The following ATRNL1 variants were observed in gnomAD, a reference collection of about 807,000 sequenced individuals.
ATRNL1 encodes the protein attractin-like protein 1.
A neutral mutation model predicts 182.7 loss-of-function variants in ATRNL1; 95 were observed. That is an observed-to-expected ratio of 0.52 (90% CI 0.44 to 0.62). The LOEUF (loss-of-function observed/expected upper bound fraction) is 0.62, where lower values mean the gene tolerates loss of function less well. ATRNL1 is among the 20% of genes least tolerant of loss of function. The probability of loss-of-function intolerance (pLI) is 0.00; values close to 1 mark genes in which losing one functional copy is unlikely to be tolerated. For synonymous variants in ATRNL1, 576 were observed against 568.3 expected (o/e 1.01, Z -0.19); for missense variants, 1,471 against 1,679.5 (o/e 0.88, Z 2.17).
chr10:115,835,864 G>A (rs1052669021), intron 27 of ATRNL1, among the ~76,000 whole-genome samples: 1 of 152,236 alleles, frequency 6.6e-6, no homozygotes, highest in South Asian at 2.1e-4. Flanking sequence ...TTAGCCTCTT[G>A]TCTCAATGTG....
At chr10:115,487,359 C>A (rs939955432) in intron 24 of ATRNL1, among the ~76,000 whole-genome samples, 3 of 152,096 alleles carry the variant, frequency 2.0e-5, no homozygotes, top group Admixed American at 1.3e-4. Flanking sequence ...AAGACTGATT[C>A]TTCCTATCAA....
intron 13 of ATRNL1, among the ~76,000 whole-genome samples, chr10:115,272,586 G>A (rs1472315282): frequency 2.0e-5 from 3 of 152,200 alleles, no homozygotes; most frequent in South Asian, 2.1e-4. Context: ...ACTAAGGGCA[G>A]TAGTGAGTAG....
At chr10:115,357,775 C>T (rs1856565485) in intron 19 of ATRNL1, among the ~76,000 whole-genome samples, 1 of 151,506 alleles carries the variant, frequency 6.6e-6, no homozygotes, top group Non-Finnish European at 1.5e-5. Flanking sequence ...ACAGTACAGC[C>T]TATTTTATTA....
intron 26 of ATRNL1, among the ~76,000 whole-genome samples, chr10:115,619,264 G>A (rs1857595411): frequency 6.6e-6 from 1 of 152,154 alleles, no homozygotes; most frequent in Non-Finnish European, 1.5e-5. Context: ...TAGCAGCAGT[G>A]GTGAGTCCCA....
At chr10:115,193,216 T>C (rs1198443441) in intron 8 of ATRNL1, among the ~76,000 whole-genome samples, 1 of 152,088 alleles carries the variant, frequency 6.6e-6, no homozygotes, top group African/African-American at 2.4e-5. Flanking sequence ...ATGTGGCTTT[T>C]AAACTATTGA....
intron 27 of ATRNL1, among the ~76,000 whole-genome samples, chr10:115,761,832 G>A (rs1376799332): frequency 6.6e-6 from 1 of 152,068 alleles, no homozygotes; most frequent in Non-Finnish European, 1.5e-5. Flanking sequence ...CAGGATTGTG[G>A]TGAGAATTAA....
chr10:115,837,620 C>T (rs1376010080), intron 27 of ATRNL1, among the ~76,000 whole-genome samples: 2 of 151,964 alleles, frequency 1.3e-5, no homozygotes, highest in Admixed American at 6.6e-5. Flanking sequence ...TAGAATATGT[C>T]CTTTGTAATG....
At chr10:115,566,017 T>A (rs1478013707) in intron 26 of ATRNL1, among the ~76,000 whole-genome samples, 1 of 152,186 alleles carries the variant, frequency 6.6e-6, no homozygotes, top group Non-Finnish European at 1.5e-5. Flanking sequence ...ACATCTATAA[T>A]TGGTAAATTA....
chr10:115,287,617 G>T (rs1024903764), intron 15 of ATRNL1, among the ~76,000 whole-genome samples: 3 of 151,990 alleles, frequency 2.0e-5, no homozygotes, highest in Non-Finnish European at 4.4e-5. Flanking sequence ...GGTACATAGT[G>T]CTGGTTTAAT....
chr10:115,728,303 A>C (rs1947677638), intron 27 of ATRNL1, among the ~76,000 whole-genome samples: 1 of 143,470 alleles, frequency 7.0e-6, no homozygotes, highest in Non-Finnish European at 1.5e-5. Context: ...CGCCTCAAAA[A>C]AAAAAAAAAA....
chr10:115,157,076 A>G (rs562536990), intron 5 of ATRNL1, among the ~76,000 whole-genome samples: 20 of 152,278 alleles, frequency 1.3e-4, no homozygotes, highest in African/African-American at 3.8e-4. Context: ...AATTTATTAT[A>G]TATTTCATAG....
At chr10:115,499,898 TA>T (rs1849733817) in intron 24 of ATRNL1, among the ~76,000 whole-genome samples, 1 of 152,200 alleles carries the variant, frequency 6.6e-6, no homozygotes, top group Non-Finnish European at 1.5e-5. Flanking sequence ...TTTTTCCTTT[TA>T]ATCATCTTTT....
At chr10:115,281,321 A>G (rs782733760) in intron 13 of ATRNL1, 34 bp from the exon 14 acceptor site, 2 of 1,594,702 alleles carry the variant, frequency 1.3e-6, no homozygotes, top group South Asian at 2.3e-5. Context: ...TGCTGTACAA[A>G]GGTGAAAAAT....
chr10:115,701,633 C>T (rs782671414), intron 26 of ATRNL1, among the ~76,000 whole-genome samples: 3 of 151,774 alleles, frequency 2.0e-5, no homozygotes, highest in Admixed American at 6.6e-5. Context: ...GCCAATCCTG[C>T]GAAAATATAA....
At position 115,345,829 on chromosome 10, in the gene ATRNL1, A is replaced by G. The variant is rs1366910562; in HGVS notation, c.3175+11410A>G. 2.0e-5 allele frequency among the ~76,000 whole-genome samples: 3 copies of G among 152,316 alleles called. No individual in the cohort carries two copies. In the East Asian group the frequency reaches 5.8e-4, roughly 29 times the overall value. Reference sequence around the variant, plus strand: ...AATTTACTTATATTCTAGATATTTCATATAAATGGAATCACAGTATGTAAC... The same window carrying G: ...AATTTACTTATATTCTAGATATTTCGTATAAATGGAATCACAGTATGTAAC... On this transcript the variant is annotated intron_variant, in intron 19 of 28. Coordinates refer to ENST00000355044, the MANE Select transcript of ATRNL1 (RefSeq NM_207303.4).
chr10:115,272,614 C>T (rs1851918177), intron 13 of ATRNL1, among the ~76,000 whole-genome samples: 1 of 152,182 alleles, frequency 6.6e-6, no homozygotes, highest in East Asian at 1.9e-4. Context: ...CCCATTTCCA[C>T]CCCTTGATTA....
At position 115,255,938 on chromosome 10, in the gene ATRNL1, TTTA is replaced by T. The variant is rs1451789238; in HGVS notation, c.1688-9252_1688-9250del. On this transcript the variant is annotated intron_variant, in intron 10 of 28. Coordinates refer to ENST00000355044, the MANE Select transcript of ATRNL1 (RefSeq NM_207303.4). ...GGTTCTGTTTATGTTATGGATTATG[TTTA>T]TTGATTTGCATACGTTGAACCAGCC... is the stretch of plus-strand genomic sequence containing the variant. Among the ~76,000 whole-genome samples the T allele has an allele frequency of 8.5e-5, 13 of 152,320 alleles. No individual in the cohort carries two copies. In the South Asian group the frequency reaches 1.5e-3, roughly 17 times the overall value.
chr10:115,920,834 C>CA (rs566288115), intron 28 of ATRNL1, among the ~76,000 whole-genome samples: 107 of 151,760 alleles, frequency 7.1e-4, no homozygotes, highest in African/African-American at 2.3e-3. Flanking sequence ...ACTAAAATTG[C>CA]AAAAAACAGT....
At chr10:115,124,283 TAATTCACTAG>T (rs1413154114) in intron 3 of ATRNL1, among the ~76,000 whole-genome samples, 1 of 152,158 alleles carries the variant, frequency 6.6e-6, no homozygotes, top group Non-Finnish European at 1.5e-5. Flanking sequence ...AAAAGTTTGA[TAATTCACTAG>T]AATTATCATA....
Sources: gnomAD v4.1 joint callset for allele counts (sites outside exome capture counted in the v4.1 genomes callset) on GRCh38, gnomAD v4.1.1 for gene constraint, MANE v1.5 for transcripts, NCBI Gene and HGNC (gene_info 2026-07-23, HGNC 2026-07-21) for gene names.